ST6GAL1: variants seen among roughly 807,000 people sequenced by gnomAD.
ST6GAL1 encodes ST6 beta-galactoside alpha-2,6-sialyltransferase 1, also known as beta-galactoside alpha-2,6-sialyltransferase 1.
In ST6GAL1, 20 loss-of-function variants were observed where a neutral mutation model predicts 38.0. The observed-to-expected ratio is 0.53, with a 90% CI of 0.37 to 0.77. The LOEUF is 0.77. Among genes scored for constraint, ST6GAL1 ranks in the 30% least tolerant of loss-of-function variants. The pLI is 0.00. For synonymous variants in ST6GAL1, 196 were observed against 188.2 expected (o/e 1.04, Z -0.34); for missense variants, 432 against 496.4 (o/e 0.87, Z 1.23).
Position 186,992,762 on chromosome 3 carries a change from C to A in ST6GAL1, c.-183+28836C>A, listed in dbSNP as rs112752651. Among the ~76,000 whole-genome samples, 29 of 152,272 alleles carry A rather than the reference C, an allele frequency of 1.9e-4. No individual in the cohort carries two copies. In the South Asian group the frequency reaches 5.4e-3, roughly 28 times the overall value. ...AGTGAGCTGAGATCTCACCACTGTA[C>A]GCTAGCTTGGGCAACAGAGTGAGAC... On this transcript the variant is annotated intron_variant, in intron 2 of 7. Transcript: ENST00000169298.
intron 5 of ST6GAL1, chr3:187,071,948 A>G (rs894934180): frequency 1.3e-5 from 2 of 152,118 alleles, no homozygotes; most frequent in Non-Finnish European, 2.9e-5. Context: ...AATAATTAAC[A>G]TTTACATGCA....
chr3:186,995,668 A>AC (rs1716379643), intron 2 of ST6GAL1, among the ~76,000 whole-genome samples: 1 of 151,396 alleles, frequency 6.6e-6, no homozygotes, highest in Admixed American at 6.6e-5. Context: ...ACATGGCGAG[A>AC]CCCCATCTCT....
chr3:186,946,457 C>G (rs560175683), intron 1 of ST6GAL1, among the ~76,000 whole-genome samples: 1 of 152,130 alleles, frequency 6.6e-6, no homozygotes, highest in Non-Finnish European at 1.5e-5. Context: ...TCACTGCTCA[C>G]TGTAGACTCG....
intron 1 of ST6GAL1, among the ~76,000 whole-genome samples, chr3:186,951,396 G>GT (rs1714573367): frequency 1.3e-5 from 2 of 152,322 alleles, no homozygotes; most frequent in African/African-American, 4.8e-5. Context: ...CATTGGTGTT[G>GT]TAGGCCATGT....
chr3:186,979,922 T>C (rs1353115494), intron 2 of ST6GAL1, among the ~76,000 whole-genome samples: 1 of 152,208 alleles, frequency 6.6e-6, no homozygotes, highest in Non-Finnish European at 1.5e-5. Flanking sequence ...GGTGATACTG[T>C]TGAGAGCTTA....
chr3:186,954,292 A>G (rs1447681391), intron 1 of ST6GAL1, among the ~76,000 whole-genome samples: 2 of 152,304 alleles, frequency 1.3e-5, no homozygotes, highest in African/African-American at 4.8e-5. Flanking sequence ...CGATGAACAT[A>G]TGCGTGCATG....
At chr3:187,003,778 A>G (rs1197333850) in intron 2 of ST6GAL1, among the ~76,000 whole-genome samples, 7 of 152,394 alleles carry the variant, frequency 4.6e-5, no homozygotes, top group Admixed American at 6.5e-5. Flanking sequence ...CATTCTGGAC[A>G]TAACCATACA....
At chr3:187,039,358 G>A (rs1052412678) in intron 3 of ST6GAL1, among the ~76,000 whole-genome samples, 11 of 152,170 alleles carry the variant, frequency 7.2e-5, no homozygotes, top group Admixed American at 3.9e-4. Context: ...TTGAGTATCC[G>A]CTCTGGTCCA....
In ST6GAL1 at chr3:187,072,839, C is replaced by A. The variant is rs1430062120; in HGVS notation, c.706-10C>A. 1.2e-6 allele frequency: 2 copies of A among 1,611,362 alleles called. No individual in the cohort carries two copies. The highest frequency in any genetic ancestry group is 1.7e-6 in the Non-Finnish European group (2 of 1,177,728). ...TGTTCAAGCGACAGCTTATCTCTTT[C>A]TTCCTGCAGTTGGTTACCACAGAGA... On this transcript the variant is annotated splice_polypyrimidine_tract_variant and intron_variant, in intron 5 of 7. Coordinates refer to ENST00000169298, the MANE Select transcript of ST6GAL1 (RefSeq NM_173216.2).
intron 2 of ST6GAL1, among the ~76,000 whole-genome samples, chr3:187,001,485 C>T (rs956829198): frequency 3.3e-5 from 5 of 152,208 alleles, no homozygotes; most frequent in African/African-American, 1.2e-4. Flanking sequence ...GGGTTTGGAT[C>T]TCACTTCCAT....
intron 5 of ST6GAL1, among the ~76,000 whole-genome samples, chr3:187,051,873 A>G (rs1718527563): frequency 6.6e-6 from 1 of 152,174 alleles, no homozygotes; most frequent in African/African-American, 2.4e-5. Context: ...CGATTTCTCA[A>G]TACTAAGGGA....
intron 5 of ST6GAL1, among the ~76,000 whole-genome samples, chr3:187,067,262 T>C (rs1196865397): frequency 1.3e-5 from 2 of 151,434 alleles, no homozygotes; most frequent in Non-Finnish European, 2.9e-5. Flanking sequence ...AATTTTTGTA[T>C]TTTTAGTAGA....
chr3:187,032,033 G>T (rs971167165), intron 2 of ST6GAL1, among the ~76,000 whole-genome samples: 4 of 152,174 alleles, frequency 2.6e-5, no homozygotes, highest in African/African-American at 7.2e-5. Context: ...AGAGTTGAGG[G>T]TTCTGTTATC....
At chr3:187,005,422 C>T (rs1384143500) in intron 2 of ST6GAL1, among the ~76,000 whole-genome samples, 1 of 151,912 alleles carries the variant, frequency 6.6e-6, no homozygotes, top group Non-Finnish European at 1.5e-5. Context: ...ACTACAGGTG[C>T]CCGCCACCAT....
At chr3:187,047,761 T>C (rs1332370404) in intron 4 of ST6GAL1, among the ~76,000 whole-genome samples, 3 of 152,120 alleles carry the variant, frequency 2.0e-5, no homozygotes, top group Admixed American at 1.3e-4. Context: ...TTTTTTCTCT[T>C]TAAGTACCCA....
intron 5 of ST6GAL1, among the ~76,000 whole-genome samples, chr3:187,062,508 A>G (rs28797570): frequency 0.099 from 15,002 of 151,694 alleles, 2,478 homozygotes; most frequent in African/African-American, 0.34. Flanking sequence ...AAAAAGGAAG[A>G]AAATACCGAG....
intron 5 of ST6GAL1, among the ~76,000 whole-genome samples, chr3:187,057,388 T>C (rs756507680): frequency 6.6e-6 from 1 of 152,252 alleles, no homozygotes; most frequent in Non-Finnish European, 1.5e-5. Flanking sequence ...AGAGGCACTC[T>C]GGTTTTTAGA....
intron 1 of ST6GAL1, among the ~76,000 whole-genome samples, chr3:186,960,530 A>G (rs1714897887): frequency 6.6e-6 from 1 of 152,176 alleles, no homozygotes; most frequent in South Asian, 2.1e-4. Flanking sequence ...ACAGAGCGTT[A>G]TGAATTAAGT....
chr3:186,998,127 AC>A (rs1716482657), intron 2 of ST6GAL1, among the ~76,000 whole-genome samples: 1 of 152,174 alleles, frequency 6.6e-6, no homozygotes, highest in Non-Finnish European at 1.5e-5. Flanking sequence ...GTAAAAAGAA[AC>A]AGATGAAATT....
Sources: gnomAD v4.1 joint callset for allele counts (sites outside exome capture counted in the v4.1 genomes callset) on GRCh38, gnomAD v4.1.1 for gene constraint, MANE v1.5 for transcripts, NCBI Gene and HGNC (gene_info 2026-07-23, HGNC 2026-07-21) for gene names.